The following VGLL3 variants were observed in gnomAD, a reference collection of about 807,000 sequenced individuals.
VGLL3 encodes the protein vestigial like family member 3, also known as transcription cofactor vestigial-like protein 3.
A neutral mutation model predicts 29.2 loss-of-function variants in VGLL3; 18 were observed. The ratio of observed to expected loss-of-function variants is 0.62; its 90% CI spans 0.43 to 0.91. The LOEUF (loss-of-function observed/expected upper bound fraction) is 0.91. VGLL3 is among the 40% of genes least tolerant of loss of function. The pLI is 0.00. For missense variants in VGLL3, 440 were observed against 413.2 expected, an observed-to-expected ratio of 1.06 and a Z score of -0.56; for synonymous variants, 180 against 151.8, an observed-to-expected ratio of 1.19 and a Z score of -1.36.
intron 3 of VGLL3, among the ~76,000 whole-genome samples, chr3:86,966,627 A>C (rs1219847691): frequency 6.6e-6 from 1 of 151,504 alleles, no homozygotes; most frequent in Non-Finnish European, 1.5e-5. Flanking sequence ...AGAGAGGGAC[A>C]CGTCTTAGTT....
chr3:86,948,434 A>G (rs569377056), intron 3 of VGLL3, among the ~76,000 whole-genome samples: 4 of 152,324 alleles, frequency 2.6e-5, no homozygotes, highest in South Asian at 4.1e-4. Context: ...TTTCATTACA[A>G]AATAGGACAC....
chr3:86,985,108 G>C (rs975527580), intron 1 of VGLL3, among the ~76,000 whole-genome samples: 1 of 152,132 alleles, frequency 6.6e-6, no homozygotes, highest in Non-Finnish European at 1.5e-5. Flanking sequence ...TGATTTGATT[G>C]TCTCAGAGGT....
intron 3 of VGLL3, among the ~76,000 whole-genome samples, chr3:86,956,792 C>CAAAA (rs55781336): frequency 1.3e-3 from 118 of 90,440 alleles, no homozygotes; most frequent in Non-Finnish European, 1.6e-3. Context: ...CCCACCGTCC[C>CAAAA]AAAAAAAAAA....
chr3:86,960,576 T>C (rs1246760293), intron 3 of VGLL3, among the ~76,000 whole-genome samples: 1 of 152,178 alleles, frequency 6.6e-6, no homozygotes, highest in Non-Finnish European at 1.5e-5. Flanking sequence ...ATGGCAAACT[T>C]CTCAGTCTGT....
At chr3:86,973,958 G>C (rs1705156597) in intron 2 of VGLL3, among the ~76,000 whole-genome samples, 2 of 152,110 alleles carry the variant, frequency 1.3e-5, no homozygotes, top group Non-Finnish European at 2.9e-5. Context: ...ACTCATTTCT[G>C]TAAAGATCAG....
At chr3:86,965,434 C>T (rs1285855877) in intron 3 of VGLL3, among the ~76,000 whole-genome samples, 1 of 152,136 alleles carries the variant, frequency 6.6e-6, no homozygotes, top group Non-Finnish European at 1.5e-5. Flanking sequence ...AGGGACCCAA[C>T]TTTCACTGTT....
At chr3:86,981,011 C>A (rs181024588) in intron 1 of VGLL3, among the ~76,000 whole-genome samples, 1 of 152,158 alleles carries the variant, frequency 6.6e-6, no homozygotes, top group Admixed American at 6.5e-5. Flanking sequence ...TTGTAACATT[C>A]ATTCTTTAAA....
intron 1 of VGLL3, among the ~76,000 whole-genome samples, chr3:86,988,199 T>G (rs990842275): frequency 6.6e-6 from 1 of 152,158 alleles, no homozygotes; most frequent in Admixed American, 6.5e-5. Flanking sequence ...CTATTAAAAT[T>G]TCTTGATTGC....
At chr3:86,958,420 G>A (rs561186717) in intron 3 of VGLL3, among the ~76,000 whole-genome samples, 2 of 152,096 alleles carry the variant, frequency 1.3e-5, no homozygotes, top group African/African-American at 2.4e-5. Flanking sequence ...TTTACACCAC[G>A]TAACTATTTG....
chr3:86,970,474 T>TAC (rs1325839995), intron 2 of VGLL3, among the ~76,000 whole-genome samples: 2 of 83,566 alleles, frequency 2.4e-5, no homozygotes, highest in South Asian at 4.7e-4. Context: ...GGCCATATAT[T>TAC]ACACACACGC....
At chr3:86,949,910 G>A (rs1187682803) in intron 3 of VGLL3, among the ~76,000 whole-genome samples, 1 of 151,946 alleles carries the variant, frequency 6.6e-6, no homozygotes, top group African/African-American at 2.4e-5. Context: ...GGTAATGGTA[G>A]ATTGGAAAAA....
rs935422269 is a variant in VGLL3 at position 86,941,517 on chromosome 3, C to T, written c.*5507G>A. ...TCTAAAAGGTGTCTGTTTGCTTATA[C>T]AATGGAATTGGTAAAAGTACACTTA... On this transcript the variant is annotated 3_prime_UTR_variant, in exon 4 of 4. Coordinates refer to ENST00000398399, the MANE Select transcript of VGLL3 (RefSeq NM_016206.4). 1.3e-5 allele frequency: 2 copies of T among 151,316 alleles called. No individual in the cohort carries two copies. Among genetic ancestry groups the T allele is most frequent in the Non-Finnish European group, 2.9e-5 (2 of 67,820 alleles). The allele number at this position is 151,316 out of a possible 1,614,324, so 9.4% of individuals were successfully genotyped here. A position where few individuals can be genotyped will look rare whatever the true frequency, so the allele number is the denominator to read the frequency against.
In VGLL3 at chr3:86,968,667, A is replaced by G. The variant is rs199772194; in HGVS notation, c.860T>C (p.Val287Ala). 9.3e-6 allele frequency: 15 copies of G among 1,614,048 alleles called. No homozygotes were observed. Among genetic ancestry groups the G allele is most frequent in the Middle Eastern group, 3.3e-4 (2 of 6,082 alleles). ...CDITKTEPTT[V>A]TSATSAWAGA... Reference sequence around the variant, plus strand: ...AGCCCATGCTGAGGTAGCAGAGGTGACTGTAGTTGGTTCTGTCTTTGTGAT... The same window carrying G: ...AGCCCATGCTGAGGTAGCAGAGGTGGCTGTAGTTGGTTCTGTCTTTGTGAT... Residue 287 changes from valine (V) to alanine (A), a missense_variant, in exon 3 of 4, where the codon GTC becomes GCC. Val to Ala is a moderately conservative substitution (Grantham distance 64). Coordinates refer to ENST00000398399, the MANE Select transcript of VGLL3 (RefSeq NM_016206.4).
intron 1 of VGLL3, chr3:86,990,417 A>G: frequency 1.0e-6 from 1 of 982,050 alleles, no homozygotes; most frequent in Non-Finnish European, 1.2e-6. Flanking sequence ...GCCCCCAGCT[A>G]GGTCATGCCT....
At position 86,944,718 on chromosome 3, in the gene VGLL3, T is replaced by C. The variant is rs1704470758; in HGVS notation, c.*2306A>G. 1 of 152,214 alleles carries C rather than the reference T, an allele frequency of 6.6e-6. No individual in the cohort carries two copies. The highest frequency in any genetic ancestry group is 2.1e-4 in the South Asian group (1 of 4,838). The allele number at this position is 152,214 out of a possible 1,614,324, so 9.4% of individuals were successfully genotyped here. On this transcript the variant is annotated 3_prime_UTR_variant, in exon 4 of 4. Transcript: ENST00000398399. ...ATTCAGGGTGAAGACATCTAATTAA[T>C]GCCCTTCAATTAAATTTGGTGGAAA...
At chr3:86,983,669 G>C (rs986181541) in intron 1 of VGLL3, among the ~76,000 whole-genome samples, 1 of 152,118 alleles carries the variant, frequency 6.6e-6, no homozygotes, top group South Asian at 2.1e-4. Context: ...TTACAGGCAT[G>C]AGCCACCGTG....
chr3:86,954,559 A>G (rs1033834576), intron 3 of VGLL3, among the ~76,000 whole-genome samples: 2 of 152,174 alleles, frequency 1.3e-5, no homozygotes, highest in Non-Finnish European at 2.9e-5. Context: ...ACAAATCTGA[A>G]CCAGTTGTTT....
intron 3 of VGLL3, among the ~76,000 whole-genome samples, chr3:86,966,679 T>C (rs1013888113): frequency 6.7e-6 from 1 of 149,690 alleles, no homozygotes; most frequent in Non-Finnish European, 1.5e-5. Context: ...TTTAAGCAAG[T>C]AGTTTTCTGA....
At chr3:86,949,436 C>A (rs1253103231) in intron 3 of VGLL3, among the ~76,000 whole-genome samples, 1 of 152,024 alleles carries the variant, frequency 6.6e-6, no homozygotes, top group East Asian at 1.9e-4. Context: ...GCTTTAATTA[C>A]CAGGCATTCA....
Sources: allele counts gnomAD v4.1 joint callset (sites outside exome capture counted in the v4.1 genomes callset), GRCh38; gene constraint gnomAD v4.1.1; transcripts MANE v1.5; gene names NCBI Gene and HGNC (gene_info 2026-07-23, HGNC 2026-07-21).